ASTN2: variants seen among roughly 807,000 people sequenced by gnomAD.
ASTN2 encodes the protein astrotactin 2.
In ASTN2, 54 loss-of-function variants were observed where a neutral mutation model predicts 139.8. The observed-to-expected ratio is 0.39, with a 90% CI of 0.31 to 0.48. The LOEUF (loss-of-function observed/expected upper bound fraction) is 0.48, where lower values mean the gene tolerates loss of function less well. ASTN2 is among the 20% of genes least tolerant of loss of function. The probability of loss-of-function intolerance (pLI) is 0.95; values close to 1 mark genes in which losing one functional copy is unlikely to be tolerated. For synonymous variants in ASTN2, 756 were observed against 719.5 expected, an observed-to-expected ratio of 1.05 and a Z score of -0.81; for missense variants, 1,565 against 1,725.1, an observed-to-expected ratio of 0.91 and a Z score of 1.64.
At chr9:116,466,837 T>C (rs1588085787) in intron 20 of ASTN2, among the ~76,000 whole-genome samples, 3 of 152,200 alleles carry the variant, frequency 2.0e-5, no homozygotes, top group East Asian at 1.9e-4. Context: ...GTGGGGCTTC[T>C]GTTTTCTCAT....
chr9:116,826,877 C>A (rs1283929809), intron 11 of ASTN2, among the ~76,000 whole-genome samples: 4 of 152,188 alleles, frequency 2.6e-5, no homozygotes, highest in Non-Finnish European at 5.9e-5. Context: ...TCTCAACTAA[C>A]AACTGTGTGA....
At chr9:116,781,317 T>C (rs1254662396) in intron 13 of ASTN2, among the ~76,000 whole-genome samples, 1 of 152,018 alleles carries the variant, frequency 6.6e-6, no homozygotes, top group African/African-American at 2.4e-5. Flanking sequence ...TAAATCAACA[T>C]TGACAAGGAA....
chr9:116,805,361 C>T (rs1391234380), intron 13 of ASTN2, among the ~76,000 whole-genome samples: 1 of 152,046 alleles, frequency 6.6e-6, no homozygotes, highest in Non-Finnish European at 1.5e-5. Flanking sequence ...ATTAACTGTA[C>T]TTATATGATA....
intron 16 of ASTN2, among the ~76,000 whole-genome samples, chr9:116,677,321 A>C (rs1859569561): frequency 6.6e-6 from 1 of 152,178 alleles, no homozygotes; most frequent in Admixed American, 6.5e-5. Flanking sequence ...TGGAAAAAAA[A>C]ACCTCTGTTT....
At chr9:117,192,164 G>T (rs1029119873) in intron 3 of ASTN2, among the ~76,000 whole-genome samples, 2 of 152,146 alleles carry the variant, frequency 1.3e-5, no homozygotes, top group African/African-American at 2.4e-5. Context: ...GCTCCTGTCT[G>T]TTGGAGGCAT....
chr9:116,581,356 A>AC (rs778659694), intron 19 of ASTN2, among the ~76,000 whole-genome samples: 3 of 151,970 alleles, frequency 2.0e-5, no homozygotes, highest in Non-Finnish European at 4.4e-5. Flanking sequence ...CAATCAGTTG[A>AC]CCACTACCTT....
At chr9:116,461,065 C>G (rs1210823221) in intron 20 of ASTN2, among the ~76,000 whole-genome samples, 1 of 152,052 alleles carries the variant, frequency 6.6e-6, no homozygotes, top group Non-Finnish European at 1.5e-5. Context: ...CTCTCTCTGC[C>G]TGGAATAATT....
chr9:117,087,018 C>T (rs1828581270), intron 5 of ASTN2, among the ~76,000 whole-genome samples: 1 of 152,070 alleles, frequency 6.6e-6, no homozygotes, highest in South Asian at 2.1e-4. Context: ...AGTAGCAGGT[C>T]CTGGGGGCGT....
At chr9:117,332,205 A>G (rs925482681) in intron 1 of ASTN2, among the ~76,000 whole-genome samples, 2 of 152,216 alleles carry the variant, frequency 1.3e-5, no homozygotes, top group South Asian at 2.1e-4. Flanking sequence ...GCTATCAGAT[A>G]TCTGCTCTGT....
chr9:116,757,113 C>G (rs1234262542), intron 13 of ASTN2, among the ~76,000 whole-genome samples: 1 of 152,116 alleles, frequency 6.6e-6, no homozygotes, highest in Non-Finnish European at 1.5e-5. Context: ...AGGGCAGCTC[C>G]TAGTGAGGAA....
intron 17 of ASTN2, among the ~76,000 whole-genome samples, chr9:116,624,228 T>G (rs1856325437): frequency 6.6e-6 from 1 of 152,198 alleles, no homozygotes; most frequent in Non-Finnish European, 1.5e-5. Flanking sequence ...TTTTTGAACT[T>G]GCATAAAAGA....
At chr9:117,184,059 T>C (rs1205931117) in intron 3 of ASTN2, among the ~76,000 whole-genome samples, 3 of 152,134 alleles carry the variant, frequency 2.0e-5, no homozygotes, top group Non-Finnish European at 4.4e-5. Context: ...CTTTCTGAGA[T>C]AGCTACAGGT....
At chr9:116,709,383 A>G (rs1828079908) in intron 16 of ASTN2, among the ~76,000 whole-genome samples, 3 of 152,194 alleles carry the variant, frequency 2.0e-5, no homozygotes, top group African/African-American at 7.2e-5. Context: ...TATCACTACC[A>G]TTGTATGTGA....
chr9:116,577,906 G>T (rs1249301459), intron 19 of ASTN2, among the ~76,000 whole-genome samples: 1 of 152,124 alleles, frequency 6.6e-6, no homozygotes, highest in Non-Finnish European at 1.5e-5. Flanking sequence ...AACTTGCAGT[G>T]ACCAGAGATA....
chr9:116,949,882 C>T (rs558978796), intron 10 of ASTN2, among the ~76,000 whole-genome samples: 79 of 152,082 alleles, frequency 5.2e-4, no homozygotes, highest in African/African-American at 1.8e-3. Context: ...TCTCATAATG[C>T]GTTTGTGAGG....
At chr9:117,382,928 A>G (rs1008415079) in intron 1 of ASTN2, among the ~76,000 whole-genome samples, 1 of 152,222 alleles carries the variant, frequency 6.6e-6, no homozygotes, top group Non-Finnish European at 1.5e-5. Context: ...TCAGAAACAA[A>G]AGAATGAATA....
intron 20 of ASTN2, among the ~76,000 whole-genome samples, chr9:116,471,050 A>T (rs1848796775): frequency 6.6e-6 from 1 of 152,190 alleles, no homozygotes; most frequent in Admixed American, 6.5e-5. Context: ...ATGATTTTTT[A>T]AATTGATTTA....
chr9:116,930,978 C>G (rs1445967185), intron 10 of ASTN2, among the ~76,000 whole-genome samples: 1 of 151,666 alleles, frequency 6.6e-6, no homozygotes, highest in African/African-American at 2.4e-5. Context: ...GGTTACTGAC[C>G]CCAATCTAAT....
Position 116,613,924 on chromosome 9 carries a change from G to A in ASTN2, c.3355+4400C>T, listed in dbSNP as rs180730792. Among the ~76,000 whole-genome samples, 1,004 of 152,240 alleles carry A rather than the reference G, an allele frequency of 6.6e-3. 15 individuals carry two copies. The highest frequency in any genetic ancestry group is 0.023 in the African/African-American group (949 of 41,548). On this transcript the variant is annotated intron_variant, in intron 19 of 22. Coordinates refer to ENST00000313400, the MANE Select transcript of ASTN2 (RefSeq NM_001365068.1). The stretch of plus-strand genomic sequence containing the variant: ...TAAAGGGTATTCAATTAGGAAAAGA[G>A]GAAGTCAAATTGTCCCTGTTTGCAG...
Sources: allele counts gnomAD v4.1 joint callset (sites outside exome capture counted in the v4.1 genomes callset), GRCh38; gene constraint gnomAD v4.1.1; transcripts MANE v1.5; gene names NCBI Gene and HGNC (gene_info 2026-07-23, HGNC 2026-07-21).